The following RGS7 variants were observed in gnomAD, a reference collection of about 807,000 sequenced individuals.
The protein encoded by RGS7 is regulator of G-protein signaling 7.
Under a neutral mutation model 81.1 loss-of-function variants are expected in RGS7, and 27 were observed. The ratio of observed to expected loss-of-function variants is 0.33; its 90% CI spans 0.25 to 0.46. The LOEUF is 0.46. Among genes scored for constraint, RGS7 ranks in the 20% least tolerant of loss-of-function variants. The pLI is 1.00. For synonymous variants in RGS7, 208 were observed against 207.7 expected, an observed-to-expected ratio of 1.00 and a Z score of -0.01; for missense variants, 396 against 607.4, an observed-to-expected ratio of 0.65 and a Z score of 3.66.
chr1:241,352,747 G>T (rs2083325341), intron 2 of RGS7, among the ~76,000 whole-genome samples: 1 of 152,224 alleles, frequency 6.6e-6, no homozygotes, highest in Non-Finnish European at 1.5e-5. Context: ...ATGGAAAACA[G>T]ATCCCTGGAA....
At chr1:241,099,498 G>C (rs1254742280) in intron 2 of RGS7, among the ~76,000 whole-genome samples, 6 of 152,094 alleles carry the variant, frequency 3.9e-5, no homozygotes, top group Admixed American at 2.6e-4. Flanking sequence ...CCGTTTACTA[G>C]ATTCCCCTTT....
chr1:241,092,152 C>T (rs1375630596), intron 3 of RGS7, among the ~76,000 whole-genome samples: 2 of 152,108 alleles, frequency 1.3e-5, no homozygotes, highest in Non-Finnish European at 2.9e-5. Context: ...AAACCACGTG[C>T]TATTTCAATA....
intron 2 of RGS7, among the ~76,000 whole-genome samples, chr1:241,294,449 A>G (rs1159774330): frequency 5.3e-5 from 8 of 152,248 alleles, no homozygotes; most frequent in Admixed American, 2.0e-4. Context: ...AAAACATACA[A>G]TAAAATAATT....
At chr1:240,864,138 C>T (rs1662777683) in intron 9 of RGS7, among the ~76,000 whole-genome samples, 1 of 152,176 alleles carries the variant, frequency 6.6e-6, no homozygotes, top group Admixed American at 6.5e-5. Flanking sequence ...TAAAATGCGA[C>T]ACTGGACTAC....
chr1:241,165,709 A>G (rs964372727), intron 2 of RGS7, among the ~76,000 whole-genome samples: 6 of 151,864 alleles, frequency 4.0e-5, no homozygotes, highest in Non-Finnish European at 5.9e-5. Context: ...GCAGCACATC[A>G]GCATGGCACA....
At chr1:241,322,249 G>A (rs1471539329) in intron 2 of RGS7, among the ~76,000 whole-genome samples, 2 of 152,156 alleles carry the variant, frequency 1.3e-5, no homozygotes, top group Admixed American at 6.5e-5. Flanking sequence ...AGTAACTGTT[G>A]TTAGCACATA....
chr1:240,904,026 G>C (rs1398921480), intron 6 of RGS7, among the ~76,000 whole-genome samples: 2 of 152,094 alleles, frequency 1.3e-5, no homozygotes, highest in African/African-American at 4.8e-5. Context: ...TTCCTTCCTA[G>C]CAACACTAAA....
intron 3 of RGS7, among the ~76,000 whole-genome samples, chr1:241,049,504 C>G (rs1490324476): frequency 6.6e-6 from 1 of 152,140 alleles, no homozygotes; most frequent in African/African-American, 2.4e-5. Context: ...TTAAACTTTC[C>G]TCATGACTTT....
intron 2 of RGS7, among the ~76,000 whole-genome samples, chr1:241,108,302 C>CAAAA (rs34848063): frequency 2.3e-4 from 16 of 70,882 alleles, no homozygotes; most frequent in South Asian, 6.6e-4. Flanking sequence ...GACTCCGTCT[C>CAAAA]AAAAAAAAAA....
At chr1:241,167,664 G>A (rs553337543) in intron 2 of RGS7, among the ~76,000 whole-genome samples, 2 of 151,982 alleles carry the variant, frequency 1.3e-5, no homozygotes, top group Non-Finnish European at 2.9e-5. Flanking sequence ...GATTACAGGT[G>A]CACACCACCA....
chr1:240,866,271 G>A (rs1009947373), intron 9 of RGS7, among the ~76,000 whole-genome samples: 1 of 152,304 alleles, frequency 6.6e-6, no homozygotes, highest in African/African-American at 2.4e-5. Context: ...CAGCACTTTG[G>A]GAGGCTGAGG....
At chr1:241,272,230 T>C (rs934143576) in intron 2 of RGS7, among the ~76,000 whole-genome samples, 1 of 152,074 alleles carries the variant, frequency 6.6e-6, no homozygotes, top group Non-Finnish European at 1.5e-5. Context: ...CCTGACCTCG[T>C]GATCCACCCA....
rs559405484 is a variant in RGS7, at chr1:241,148,160, C to T, written c.79-49398G>A. Reference sequence around the variant, plus strand: ...CTGCCTCCCGGATACAAGTCATTCTCCTGCCTCAGCCTCCCAAGTAGCTGA... The same window carrying T: ...CTGCCTCCCGGATACAAGTCATTCTTCTGCCTCAGCCTCCCAAGTAGCTGA... On this transcript the variant is annotated intron_variant, in intron 2 of 18. Coordinates refer to ENST00000440928, the MANE Select transcript of RGS7 (RefSeq NM_001364886.1). Among the ~76,000 whole-genome samples the T allele has an allele frequency of 2.2e-3, 331 of 148,288 alleles. 2 individuals carry two copies. The highest frequency in any genetic ancestry group is 4.3e-3 in the Non-Finnish European group (291 of 67,458).
At chr1:241,081,322 C>T (rs1572597163) in intron 3 of RGS7, among the ~76,000 whole-genome samples, 1 of 152,218 alleles carries the variant, frequency 6.6e-6, no homozygotes, top group East Asian at 1.9e-4. Flanking sequence ...TTCCAGATGC[C>T]TATAAAGATA....
chr1:241,351,670 G>C (rs530650849), intron 2 of RGS7, among the ~76,000 whole-genome samples: 3 of 152,242 alleles, frequency 2.0e-5, no homozygotes, highest in Non-Finnish European at 4.4e-5. Context: ...CGAATGCAAA[G>C]CAAGAGACTA....
At chr1:241,294,821 T>C (rs1312220977) in intron 2 of RGS7, among the ~76,000 whole-genome samples, 1 of 152,216 alleles carries the variant, frequency 6.6e-6, no homozygotes, top group Non-Finnish European at 1.5e-5. Context: ...GTTTGTAGCC[T>C]AGGAGCAGGC....
At chr1:241,303,529 A>G (rs1349505026) in intron 2 of RGS7, among the ~76,000 whole-genome samples, 8 of 152,232 alleles carry the variant, frequency 5.3e-5, no homozygotes, top group Middle Eastern at 3.2e-3. Context: ...CACACGTAGA[A>G]GATTAACAAT....
At chr1:240,902,568 A>G (rs1670186231) in intron 6 of RGS7, among the ~76,000 whole-genome samples, 1 of 152,126 alleles carries the variant, frequency 6.6e-6, no homozygotes, top group Non-Finnish European at 1.5e-5. Flanking sequence ...CTTCTATTCA[A>G]CTGCCATATA....
At chr1:241,109,333 G>A (rs993420451) in intron 2 of RGS7, among the ~76,000 whole-genome samples, 2 of 152,008 alleles carry the variant, frequency 1.3e-5, no homozygotes, top group South Asian at 2.1e-4. Context: ...TCCTACTGAC[G>A]TCCGTCTTTA....
Sources: allele counts gnomAD v4.1 joint callset (sites outside exome capture counted in the v4.1 genomes callset), GRCh38; gene constraint gnomAD v4.1.1; transcripts MANE v1.5; gene names NCBI Gene and HGNC (gene_info 2026-07-23, HGNC 2026-07-21).